Variants in RNGTT observed in about 807,000 individuals in gnomAD.
RNGTT encodes RNA guanylyltransferase and 5'-phosphatase.
A neutral mutation model predicts 79.3 loss-of-function variants in RNGTT; 33 were observed. The ratio of observed to expected loss-of-function variants is 0.42; its 90% confidence interval spans 0.32 to 0.56. The LOEUF (loss-of-function observed/expected upper bound fraction) is 0.56, where lower values mean the gene tolerates loss of function less well. RNGTT is among the 20% of genes least tolerant of loss of function. The pLI, the probability that RNGTT is intolerant of heterozygous loss-of-function variation, is 0.17. For missense variants in RNGTT, 497 were observed against 739.1 expected, an observed-to-expected ratio of 0.67 and a Z score of 3.80; for synonymous variants, 222 against 235.9, an observed-to-expected ratio of 0.94 and a Z score of 0.54.
intron 14 of RNGTT, among the ~76,000 whole-genome samples, chr6:88,616,245 T>A (rs1326232767): frequency 6.6e-6 from 1 of 152,236 alleles, no homozygotes; most frequent in African/African-American, 2.4e-5. Flanking sequence ...TCTTTAGCCA[T>A]TCATCTGTCA....
rs532517215 is a variant in RNGTT, at chr6:88,611,313, G to C, written c.*1406C>G. The C allele has an allele frequency of 6.6e-6, 1 of 152,608 alleles. No individual in the cohort carries two copies. The highest frequency in any genetic ancestry group is 2.1e-4 in the South Asian group (1 of 4,836). 9.5% of individuals were successfully genotyped at this position (152,608 alleles called of 1,614,324 possible). On this transcript the variant is annotated 3_prime_UTR_variant, in exon 16 of 16. Transcript: ENST00000369485. Reference sequence around the variant, plus strand: ...CTACCGGGTAATTCAGTTGGATTTCGTGTCTGACTGAATCAGTAGAAGAAT... The same window carrying C: ...CTACCGGGTAATTCAGTTGGATTTCCTGTCTGACTGAATCAGTAGAAGAAT...
intron 8 of RNGTT, among the ~76,000 whole-genome samples, chr6:88,881,821 C>G (rs1782701671): frequency 2.6e-5 from 4 of 152,208 alleles, no homozygotes; most frequent in Non-Finnish European, 4.4e-5. Flanking sequence ...TCAACCTACT[C>G]CCACTGCCCT....
At chr6:88,698,280 T>A (rs1253689696) in intron 13 of RNGTT, among the ~76,000 whole-genome samples, 21 of 114,650 alleles carry the variant, frequency 1.8e-4, no homozygotes, top group African/African-American at 7.5e-4. Context: ...ATATATATAT[T>A]TCATATATAT....
chr6:88,909,490 T>C (rs746565239), intron 4 of RNGTT, among the ~76,000 whole-genome samples: 4 of 152,156 alleles, frequency 2.6e-5, no homozygotes, highest in Non-Finnish European at 5.9e-5. Flanking sequence ...AGGGGACTGG[T>C]AGGTCCCTAA....
At chr6:88,755,959 CAAAAAAAAAAAAAA>C (rs1157096180) in intron 13 of RNGTT, among the ~76,000 whole-genome samples, 8 of 30,500 alleles carry the variant, frequency 2.6e-4, no homozygotes, top group Admixed American at 2.3e-3. Context: ...GACTCCGTCT[CAAAAAAAAAAAAAA>C]AAAAAAAAAA....
intron 13 of RNGTT, among the ~76,000 whole-genome samples, chr6:88,745,169 GAA>G (rs1255699758): frequency 6.6e-6 from 1 of 152,150 alleles, no homozygotes. Context: ...CAACTTTAAA[GAA>G]GAGAAACTCC....
chr6:88,810,567 A>G (rs1372088236), intron 11 of RNGTT, among the ~76,000 whole-genome samples: 2 of 152,314 alleles, frequency 1.3e-5, no homozygotes, highest in Admixed American at 1.3e-4. Context: ...AGTCAAAAAG[A>G]GAGTCTCAAT....
At chr6:88,619,446 G>A (rs1195883187) in intron 14 of RNGTT, among the ~76,000 whole-genome samples, 5 of 152,158 alleles carry the variant, frequency 3.3e-5, no homozygotes, top group Non-Finnish European at 5.9e-5. Context: ...GGGATTACAT[G>A]GGTGAGCCAC....
At chr6:88,633,968 C>T (rs949766317) in intron 14 of RNGTT, among the ~76,000 whole-genome samples, 1 of 152,150 alleles carries the variant, frequency 6.6e-6, no homozygotes, top group East Asian at 1.9e-4. Context: ...GCTAAGGCAT[C>T]CTATTGCATC....
At chr6:88,905,582 A>C (rs1208669534) in intron 5 of RNGTT, among the ~76,000 whole-genome samples, 1 of 152,260 alleles carries the variant, frequency 6.6e-6, no homozygotes, top group Non-Finnish European at 1.5e-5. Flanking sequence ...TCAGTCAACA[A>C]GAAAATTCAG....
chr6:88,909,590 C>T (rs1257770146), intron 4 of RNGTT, among the ~76,000 whole-genome samples: 1 of 152,108 alleles, frequency 6.6e-6, no homozygotes. Flanking sequence ...CCACACAGAG[C>T]AAAGGAAACG....
chr6:88,619,192 G>A (rs1772351411), intron 14 of RNGTT, among the ~76,000 whole-genome samples: 1 of 151,156 alleles, frequency 6.6e-6, no homozygotes, highest in South Asian at 2.1e-4. Flanking sequence ...CTGAGACAAA[G>A]TCTCAGTCTG....
intron 8 of RNGTT, among the ~76,000 whole-genome samples, chr6:88,875,021 G>T (rs1027359082): frequency 2.0e-5 from 3 of 151,924 alleles, no homozygotes; most frequent in Non-Finnish European, 4.4e-5. Context: ...AGTAGGAATT[G>T]TACTTTTACT....
At chr6:88,778,265 C>T (rs1778956275) in intron 12 of RNGTT, among the ~76,000 whole-genome samples, 1 of 152,042 alleles carries the variant, frequency 6.6e-6, no homozygotes, top group African/African-American at 2.4e-5. Flanking sequence ...AATATTCACT[C>T]ATGCAGATTT....
At chr6:88,873,424 T>G (rs1366148369) in intron 8 of RNGTT, among the ~76,000 whole-genome samples, 1 of 152,180 alleles carries the variant, frequency 6.6e-6, no homozygotes, top group East Asian at 1.9e-4. Flanking sequence ...CAAGAATGTA[T>G]GTACTATTGA....
intron 13 of RNGTT, among the ~76,000 whole-genome samples, chr6:88,720,331 A>G (rs1359608580): frequency 6.6e-6 from 1 of 152,120 alleles, no homozygotes; most frequent in Admixed American, 6.6e-5. Context: ...CCTAAACTTT[A>G]CAATGATAAC....
chr6:88,696,304 TA>T (rs1451261414), intron 13 of RNGTT, among the ~76,000 whole-genome samples: 1 of 152,208 alleles, frequency 6.6e-6, no homozygotes, highest in Non-Finnish European at 1.5e-5. Flanking sequence ...AAAAAATCTC[TA>T]AATTGATCCT....
In RNGTT at chr6:88,747,744, C is replaced by A. The variant is rs559998072; in HGVS notation, c.1439+22030G>T. On this transcript the variant is annotated intron_variant, in intron 13 of 15. Coordinates refer to ENST00000369485, the MANE Select transcript of RNGTT (RefSeq NM_003800.5). ...AACCCAAGTCTGTTTTCAATCTTAT[C>A]TAAACCTGATGCTGTAGATGACCTG... Among the ~76,000 whole-genome samples the A allele has an allele frequency of 2.0e-5, 3 of 152,288 alleles. No homozygotes were observed. The South Asian group carries it at 6.2e-4, about 32-fold the overall frequency.
intron 4 of RNGTT, among the ~76,000 whole-genome samples, chr6:88,924,429 T>C (rs1784256276): frequency 1.3e-5 from 2 of 152,242 alleles, no homozygotes; most frequent in African/African-American, 4.8e-5. Context: ...GTGTATAAGA[T>C]ATCTTCATAA....
Sources: allele counts gnomAD v4.1 joint callset (sites outside exome capture counted in the v4.1 genomes callset), GRCh38; gene constraint gnomAD v4.1.1; transcripts MANE v1.5; gene names NCBI Gene and HGNC (gene_info 2026-07-23, HGNC 2026-07-21).